Variants in KLF12 observed in about 807,000 individuals in gnomAD.
KLF12 encodes the protein KLF transcription factor 12.
A neutral mutation model predicts 37.8 loss-of-function variants in KLF12; 9 were observed. The ratio of observed to expected loss-of-function variants is 0.24; its 90% CI spans 0.14 to 0.42. The LOEUF is 0.42. KLF12 is among the 10% of genes least tolerant of loss of function. The pLI, the probability that KLF12 is intolerant of heterozygous loss-of-function variation, is 1.00. For synonymous variants in KLF12, 208 were observed against 202.1 expected, an observed-to-expected ratio of 1.03 and a Z score of -0.25; for missense variants, 411 against 516.0, an observed-to-expected ratio of 0.80 and a Z score of 1.97.
the KLF12 span, among the ~76,000 whole-genome samples, chr13:74,157,251 A>G: frequency 1.3e-5 from 2 of 152,202 alleles, no homozygotes; most frequent in African/African-American, 4.8e-5. Flanking sequence ...ACTCTTGTAC[A>G]TGTATTTTTA....
chr13:73,717,631 C>T (rs926716929), intron 6 of KLF12, among the ~76,000 whole-genome samples: 4 of 152,320 alleles, frequency 2.6e-5, no homozygotes, highest in South Asian at 4.1e-4. Context: ...CAGTTTTATG[C>T]AAGATCTACC....
At chr13:74,149,049 A>T in the KLF12 span, among the ~76,000 whole-genome samples, 1 of 152,108 alleles carries the variant, frequency 6.6e-6, no homozygotes, top group Non-Finnish European at 1.5e-5. Flanking sequence ...CCCTGACCTC[A>T]GCTGGTCTGC....
intron 1 of KLF12, among the ~76,000 whole-genome samples, chr13:74,046,725 G>A (rs1005533878): frequency 6.6e-6 from 1 of 152,008 alleles, no homozygotes; most frequent in African/African-American, 2.4e-5. Context: ...ACTCTAAGAA[G>A]GAATGTTTCA....
intron 1 of KLF12, among the ~76,000 whole-genome samples, chr13:74,085,218 T>C (rs1485991337): frequency 1.3e-5 from 2 of 152,222 alleles, no homozygotes; most frequent in Non-Finnish European, 2.9e-5. Context: ...TGAAGACCTT[T>C]AGATATTGGC....
intron 1 of KLF12, among the ~76,000 whole-genome samples, chr13:74,056,026 TA>T (rs1467185322): frequency 6.6e-6 from 1 of 152,192 alleles, no homozygotes; most frequent in Non-Finnish European, 1.5e-5. Context: ...AACATGGGTG[TA>T]CCTGAGAACT....
chr13:74,263,681 A>C, the KLF12 span, among the ~76,000 whole-genome samples: 1 of 152,190 alleles, frequency 6.6e-6, no homozygotes, highest in Non-Finnish European at 1.5e-5. Flanking sequence ...TGGAGGTTGC[A>C]GTGAGCTGAA....
the KLF12 span, among the ~76,000 whole-genome samples, chr13:74,295,261 T>C: frequency 6.6e-6 from 1 of 152,146 alleles, no homozygotes; most frequent in Non-Finnish European, 1.5e-5. Context: ...AAGTTTTGCT[T>C]TTCTAACCTC....
chr13:73,702,574 C>A (rs1291987638), intron 7 of KLF12, among the ~76,000 whole-genome samples: 1 of 152,122 alleles, frequency 6.6e-6, no homozygotes, highest in Non-Finnish European at 1.5e-5. Context: ...CTATTATTTT[C>A]TCAAGCAACT....
intron 1 of KLF12, among the ~76,000 whole-genome samples, chr13:74,084,909 C>A (rs2138782492): frequency 6.6e-6 from 1 of 152,166 alleles, no homozygotes; most frequent in Non-Finnish European, 1.5e-5. Flanking sequence ...CATATCAAGT[C>A]TTTTCATTAT....
intron 3 of KLF12, among the ~76,000 whole-genome samples, chr13:73,897,341 T>C (rs1232334578): frequency 6.6e-6 from 1 of 152,190 alleles, no homozygotes; most frequent in Admixed American, 6.5e-5. Flanking sequence ...AAGCGCAACA[T>C]GCATCTACAG....
intron 1 of KLF12, among the ~76,000 whole-genome samples, chr13:74,039,618 T>G (rs1323267570): frequency 6.6e-6 from 1 of 152,220 alleles, no homozygotes; most frequent in Non-Finnish European, 1.5e-5. Context: ...TAATTTTTAT[T>G]TAATGATATT....
At chr13:73,795,644 C>T (rs940853594) in intron 5 of KLF12, among the ~76,000 whole-genome samples, 3 of 152,122 alleles carry the variant, frequency 2.0e-5, no homozygotes, top group African/African-American at 7.2e-5. Context: ...AATACCTGGG[C>T]ACTTTACAAG....
the KLF12 span, among the ~76,000 whole-genome samples, chr13:74,232,911 A>C: frequency 4.6e-5 from 7 of 152,204 alleles, no homozygotes; most frequent in African/African-American, 1.7e-4. Context: ...TCTGAGACAG[A>C]GTCTTGCTCT....
intron 3 of KLF12, among the ~76,000 whole-genome samples, chr13:73,906,405 T>TATTTTC (rs1206435043): frequency 1.3e-5 from 2 of 152,202 alleles, no homozygotes; most frequent in African/African-American, 4.8e-5. Context: ...TTCTTACATA[T>TATTTTC]ATTTTCCAGT....
intron 2 of KLF12, among the ~76,000 whole-genome samples, chr13:73,950,745 C>A (rs1435517755): frequency 6.6e-6 from 1 of 152,152 alleles, no homozygotes; most frequent in Non-Finnish European, 1.5e-5. Context: ...GAGGAGAGAT[C>A]TGACATGTGG....
chr13:73,765,000 C>A lies in KLF12; in HGVS notation c.807G>T (p.Glu269Asp). Residue 269 changes from glutamate to aspartate, a missense_variant and splice_region_variant, in exon 6 of 8, where the codon GAG becomes GAT. Physicochemically the swap from Glu to Asp is conservative, Grantham distance 45. Around this residue, in one of 2 missense-constraint regions of KLF12, gnomAD observed 351 missense variants for 397.8 expected, o/e 0.88. Transcript: ENST00000377669. ...CCCTTGATACTGGGGACGGATGTAC[C>A]CTGTAGACAGAGAAGAATAATCCAG... is the stretch of plus-strand genomic sequence containing the variant. 1 of 1,542,322 alleles carries A rather than the reference C, an allele frequency of 6.5e-7. No homozygotes were observed. The highest frequency in any genetic ancestry group is 1.2e-5 in the South Asian group (1 of 85,734).
intron 1 of KLF12, among the ~76,000 whole-genome samples, chr13:74,037,556 A>G (rs191428237): frequency 6.6e-6 from 1 of 152,302 alleles, no homozygotes; most frequent in African/African-American, 2.4e-5. Flanking sequence ...TCTAAGATGC[A>G]CTTGTCAATT....
chr13:74,256,326 C>A, the KLF12 span, among the ~76,000 whole-genome samples: 1 of 152,028 alleles, frequency 6.6e-6, no homozygotes, highest in African/African-American at 2.4e-5. Flanking sequence ...ATAAAGACAA[C>A]TGAATTCCAG....
chr13:73,789,805 T>C (rs988718417), intron 5 of KLF12, among the ~76,000 whole-genome samples: 2 of 151,938 alleles, frequency 1.3e-5, no homozygotes, highest in African/African-American at 4.8e-5. Context: ...GCCTCCCGAG[T>C]AGCTGGGACT....
Sources: gnomAD v4.1 joint callset for allele counts (sites outside exome capture counted in the v4.1 genomes callset) on GRCh38, gnomAD v4.1.1 for gene constraint, gnomAD v4.1.1 regional missense constraint, MANE v1.5 for transcripts, NCBI Gene and HGNC (gene_info 2026-07-23, HGNC 2026-07-21) for gene names.